The following HDAC8 variants were observed in gnomAD, a reference collection of about 807,000 sequenced individuals.
The protein encoded by HDAC8 is histone deacetylase 8, also known as histone deacetylase-like 1.
HDAC8 carries 1 observed loss-of-function variant against 32.2 expected under a neutral mutation model. That is an observed-to-expected ratio of 0.03 (90% CI 0.01 to 0.15). The LOEUF (loss-of-function observed/expected upper bound fraction) is 0.15. Among genes scored for constraint, HDAC8 ranks in the 10% least tolerant of loss-of-function variants. The probability of loss-of-function intolerance (pLI) is 1.00; values close to 1 mark genes in which losing one functional copy is unlikely to be tolerated. For missense variants in HDAC8, 117 were observed against 300.0 expected, an observed-to-expected ratio of 0.39 and a Z score of 4.51; for synonymous variants, 108 against 113.9, an observed-to-expected ratio of 0.95 and a Z score of 0.33.
Position 72,390,878 on chromosome X carries a change from G to C in HDAC8, c.1006-39040C>G, listed in dbSNP as rs1312046806. ...TCATCTATTCCCTGGTGATTTTCAA[G>C]GCAAAAATTTATCGTTACCCTAAAG... On this transcript the variant is annotated intron_variant, in intron 9 of 10. Transcript: ENST00000373573. Among the ~76,000 whole-genome samples the C allele has an allele frequency of 2.7e-5, 3 of 111,153 alleles. No individual in the cohort carries two copies. The East Asian group carries it at 8.4e-4, about 31-fold the overall frequency.
At chrX:72,564,103 T>G (rs962228754) in intron 4 of HDAC8, among the ~76,000 whole-genome samples, 1 of 110,299 alleles carries the variant, frequency 9.1e-6, no homozygotes, top group Non-Finnish European at 1.9e-5. Flanking sequence ...GAGGATGCAG[T>G]GAGCCGAGAT....
chrX:72,481,157 A>G (rs1417337398), intron 7 of HDAC8, among the ~76,000 whole-genome samples: 1 of 111,091 alleles, frequency 9.0e-6, no homozygotes, highest in Admixed American at 9.6e-5. Flanking sequence ...GGAAGCAAAG[A>G]TGTCCTTCTT....
At chrX:72,506,379 A>G (rs1569354065) in intron 4 of HDAC8, among the ~76,000 whole-genome samples, 1 of 111,858 alleles carries the variant, frequency 8.9e-6, no homozygotes, top group South Asian at 3.7e-4. Context: ...GGCCTCCCTC[A>G]TACTGCTTCC....
At chrX:72,552,484 G>T (rs1379586078) in intron 4 of HDAC8, among the ~76,000 whole-genome samples, 1 of 110,961 alleles carries the variant, frequency 9.0e-6, no homozygotes, top group Non-Finnish European at 1.9e-5. Context: ...GGTGGCATGT[G>T]CCTGTAGTCC....
intron 10 of HDAC8, among the ~76,000 whole-genome samples, chrX:72,332,095 GTTGTGGTGTGTATCAAGT>G (rs1246413824): frequency 8.9e-6 from 1 of 112,487 alleles, no homozygotes; most frequent in Non-Finnish European, 1.9e-5. Flanking sequence ...ATCCATCCAA[GTTGTGGTGTGTATCAAGT>G]TTGTTGCTTC....
At chrX:72,572,036 T>C in intron 2 of HDAC8, 21 bp downstream of exon 2, 1 of 1,170,891 alleles carries the variant, frequency 8.5e-7, no homozygotes, top group Non-Finnish European at 1.1e-6. Flanking sequence ...TTCAGGGCTA[T>C]GTTCAAGAAA....
intron 9 of HDAC8, among the ~76,000 whole-genome samples, chrX:72,455,462 A>T (rs1421386711): frequency 9.0e-6 from 1 of 111,636 alleles, no homozygotes; most frequent in Non-Finnish European, 1.9e-5. Flanking sequence ...AAGCATGTCA[A>T]GTTTTGAGCT....
chrX:72,413,416 A>C (rs2046255750), intron 9 of HDAC8, among the ~76,000 whole-genome samples: 1 of 109,856 alleles, frequency 9.1e-6, no homozygotes, highest in Admixed American at 9.7e-5. Flanking sequence ...AAAAATGATG[A>C]GTTCATGTCC....
At chrX:72,445,990 A>G (rs2047378602) in intron 9 of HDAC8, among the ~76,000 whole-genome samples, 1 of 112,259 alleles carries the variant, frequency 8.9e-6, no homozygotes, top group African/African-American at 3.2e-5. Flanking sequence ...ATGAGATACA[A>G]TCTCACACCA....
intron 9 of HDAC8, among the ~76,000 whole-genome samples, chrX:72,374,668 G>C (rs1197225247): frequency 9.3e-6 from 1 of 107,170 alleles, no homozygotes; most frequent in Non-Finnish European, 1.9e-5. Flanking sequence ...GTGAAACCCT[G>C]TCTCAAAAAA....
At chrX:72,532,820 G>A (rs913985825) in intron 4 of HDAC8, among the ~76,000 whole-genome samples, 3 of 111,132 alleles carry the variant, frequency 2.7e-5, no homozygotes, top group African/African-American at 9.8e-5. Context: ...CCCATTCTAT[G>A]GATTATCTTT....
chrX:72,403,659 T>C, intron 9 of HDAC8, among the ~76,000 whole-genome samples: 1 of 111,888 alleles, frequency 8.9e-6, no homozygotes, highest in Middle Eastern at 4.6e-3. Context: ...AAACGCCGTC[T>C]CTACCAAAAA....
chrX:72,389,680 T>A (rs1416202961), intron 9 of HDAC8, among the ~76,000 whole-genome samples: 1 of 112,333 alleles, frequency 8.9e-6, no homozygotes, highest in Non-Finnish European at 1.9e-5. Flanking sequence ...AAGCTCATGT[T>A]CTTTTTACCC....
intron 9 of HDAC8, among the ~76,000 whole-genome samples, chrX:72,411,354 C>T (rs1231644113): frequency 8.9e-6 from 1 of 112,075 alleles, no homozygotes; most frequent in African/African-American, 3.2e-5. Flanking sequence ...ATGCTGTTCC[C>T]TCCGCCTGGA....
chrX:72,436,961 A>T (rs1555979430), intron 9 of HDAC8, among the ~76,000 whole-genome samples: 1 of 112,429 alleles, frequency 8.9e-6, no homozygotes, highest in African/African-American at 3.2e-5. Context: ...AGAATACTAT[A>T]GATAAATAAA....
At chrX:72,548,680 T>TTCTCTCTC (rs376266129) in intron 4 of HDAC8, among the ~76,000 whole-genome samples, 1 of 105,989 alleles carries the variant, frequency 9.4e-6, no homozygotes, top group Non-Finnish European at 1.9e-5. Flanking sequence ...ACCATTTCTC[T>TTCTCTCTC]TCTCTCTCTC....
At chrX:72,502,981 T>C (rs187920453) in intron 4 of HDAC8, among the ~76,000 whole-genome samples, 5 of 112,142 alleles carry the variant, frequency 4.5e-5, no homozygotes, top group Non-Finnish European at 5.6e-5. Context: ...GGATTGACTT[T>C]TATCTCATTT....
chrX:72,437,531 C>G (rs2046987943), intron 9 of HDAC8, among the ~76,000 whole-genome samples: 1 of 111,313 alleles, frequency 9.0e-6, no homozygotes, highest in African/African-American at 3.3e-5. Flanking sequence ...AGTCAGGGAG[C>G]CAAGTGGTCT....
chrX:72,446,122 T>C (rs1281588672), intron 9 of HDAC8, among the ~76,000 whole-genome samples: 1 of 112,311 alleles, frequency 8.9e-6, no homozygotes. Context: ...TGGAAGTCAG[T>C]GTGGTGATTC....
Sources: allele counts gnomAD v4.1 joint callset (sites outside exome capture counted in the v4.1 genomes callset), GRCh38; gene constraint gnomAD v4.1.1; transcripts MANE v1.5; gene names NCBI Gene and HGNC (gene_info 2026-07-23, HGNC 2026-07-21).